The following LHFPL3 variants were observed in gnomAD, a reference collection of about 807,000 sequenced individuals.
LHFPL3 encodes the protein LHFPL tetraspan subfamily member 3.
Under a neutral mutation model 19.3 loss-of-function variants are expected in LHFPL3, and 5 were observed. That is an observed-to-expected ratio of 0.26 (90% CI 0.14 to 0.54). LHFPL3 has a LOEUF of 0.54. LHFPL3 is among the 20% of genes least tolerant of loss of function. The probability of loss-of-function intolerance (pLI) is 0.94; values close to 1 mark genes in which losing one functional copy is unlikely to be tolerated. For synonymous variants in LHFPL3, 133 were observed against 126.2 expected (o/e 1.05, Z -0.36); for missense variants, 249 against 307.4 (o/e 0.81, Z 1.42).
chr7:104,692,537 A>C (rs1792923308), intron 1 of LHFPL3, among the ~76,000 whole-genome samples: 1 of 152,098 alleles, frequency 6.6e-6, no homozygotes, highest in Non-Finnish European at 1.5e-5. Context: ...GTGAACATAC[A>C]CTCCAGGCCA....
chr7:104,480,977 G>T (rs1313571730), intron 1 of LHFPL3, among the ~76,000 whole-genome samples: 1 of 152,146 alleles, frequency 6.6e-6, no homozygotes, highest in South Asian at 2.1e-4. Flanking sequence ...GGGGAGTAAT[G>T]GGGTGAAGCA....
intron 1 of LHFPL3, among the ~76,000 whole-genome samples, chr7:104,637,480 C>T (rs1253358057): frequency 2.0e-5 from 3 of 152,108 alleles, no homozygotes; most frequent in Non-Finnish European, 2.9e-5. Flanking sequence ...AATGATACTT[C>T]CTAGGTTATC....
chr7:104,350,875 A>G (rs1790160318), intron 1 of LHFPL3, among the ~76,000 whole-genome samples: 1 of 152,128 alleles, frequency 6.6e-6, no homozygotes, highest in African/African-American at 2.4e-5. Flanking sequence ...CCCCGTCTAT[A>G]CTAAAAATAC....
chr7:104,355,172 G>A (rs921579798), intron 1 of LHFPL3, among the ~76,000 whole-genome samples: 13 of 152,130 alleles, frequency 8.5e-5, no homozygotes, highest in African/African-American at 3.1e-4. Context: ...TGTGTAATTC[G>A]TCTTCGAGAG....
chr7:104,867,331 C>A (rs926492758), intron 2 of LHFPL3, among the ~76,000 whole-genome samples: 25 of 151,602 alleles, frequency 1.6e-4, no homozygotes, highest in Non-Finnish European at 2.8e-4. Context: ...AGACCGCTGG[C>A]AAGACTAATA....
intron 1 of LHFPL3, among the ~76,000 whole-genome samples, chr7:104,490,378 T>A (rs1034824024): frequency 3.9e-5 from 6 of 152,176 alleles, no homozygotes; most frequent in Non-Finnish European, 8.8e-5. Context: ...CTCTTCCTAA[T>A]GCAGCTAATC....
At chr7:104,557,060 T>A (rs1056735668) in intron 1 of LHFPL3, among the ~76,000 whole-genome samples, 4 of 152,188 alleles carry the variant, frequency 2.6e-5, no homozygotes, top group African/African-American at 9.7e-5. Flanking sequence ...AACATTTTGG[T>A]CAAAGCCCTT....
At chr7:104,879,239 GACCCCA>G (rs2116678469) in intron 2 of LHFPL3, among the ~76,000 whole-genome samples, 1 of 152,128 alleles carries the variant, frequency 6.6e-6, no homozygotes, top group Admixed American at 6.5e-5. Flanking sequence ...CAATATGCGA[GACCCCA>G]TCTCTACAAA....
At chr7:104,372,357 T>C (rs1046227012) in intron 1 of LHFPL3, among the ~76,000 whole-genome samples, 1 of 152,224 alleles carries the variant, frequency 6.6e-6, no homozygotes, top group Non-Finnish European at 1.5e-5. Context: ...ACAGGAGCAG[T>C]GAATCTAATG....
At chr7:104,585,430 A>G (rs553885633) in intron 1 of LHFPL3, among the ~76,000 whole-genome samples, 38 of 150,768 alleles carry the variant, frequency 2.5e-4, no homozygotes, top group Non-Finnish European at 5.0e-4. Context: ...TTCTTTGACT[A>G]TAATGCAGCT....
At chr7:104,635,760 T>C (rs1584453440) in intron 1 of LHFPL3, among the ~76,000 whole-genome samples, 1 of 152,090 alleles carries the variant, frequency 6.6e-6, no homozygotes, top group Non-Finnish European at 1.5e-5. Flanking sequence ...GGCAAAGAGA[T>C]CTTCCAGTAT....
intron 2 of LHFPL3, among the ~76,000 whole-genome samples, chr7:104,771,869 T>C (rs1030263336): frequency 7.4e-6 from 1 of 135,366 alleles, no homozygotes; most frequent in African/African-American, 2.7e-5. Flanking sequence ...GTCGCCAGGC[T>C]GGAGTGCAGT....
At chr7:104,794,111 A>G (rs1790073541) in intron 2 of LHFPL3, among the ~76,000 whole-genome samples, 1 of 152,224 alleles carries the variant, frequency 6.6e-6, no homozygotes, top group South Asian at 2.1e-4. Context: ...ATAGAAGTAT[A>G]ATACTACACA....
At chr7:104,610,752 C>G (rs1791198137) in intron 1 of LHFPL3, among the ~76,000 whole-genome samples, 1 of 152,222 alleles carries the variant, frequency 6.6e-6, no homozygotes, top group Admixed American at 6.5e-5. Context: ...TCTACTAATT[C>G]AAATGCTCAT....
intron 1 of LHFPL3, among the ~76,000 whole-genome samples, chr7:104,397,268 A>G (rs552641290): frequency 2.6e-4 from 39 of 152,292 alleles, no homozygotes; most frequent in Non-Finnish European, 5.1e-4. Flanking sequence ...TAATATTTTT[A>G]TCTTAAGTAA....
At chr7:104,835,077 G>C (rs1270305932) in intron 2 of LHFPL3, among the ~76,000 whole-genome samples, 2 of 151,942 alleles carry the variant, frequency 1.3e-5, no homozygotes, top group Non-Finnish European at 2.9e-5. Context: ...TCTGGAGTCA[G>C]ATGTCCTGAG....
chr7:104,782,991 CCTT>C (rs1472042789), intron 2 of LHFPL3, among the ~76,000 whole-genome samples: 2 of 152,256 alleles, frequency 1.3e-5, no homozygotes, highest in South Asian at 2.1e-4. Flanking sequence ...TTTTATCCCT[CCTT>C]AAGATCTTGG....
At chr7:104,565,355 G>T (rs373060303) in intron 1 of LHFPL3, among the ~76,000 whole-genome samples, 141 of 152,310 alleles carry the variant, frequency 9.3e-4, no homozygotes, top group African/African-American at 3.3e-3. Flanking sequence ...CATTTAAGAT[G>T]CTAATGCATG....
chr7:104,556,572 C>A (rs376779483), intron 1 of LHFPL3, among the ~76,000 whole-genome samples: 44 of 152,282 alleles, frequency 2.9e-4, no homozygotes, highest in African/African-American at 8.4e-4. Context: ...CCCACAAAAC[C>A]ATTTTTCCTC....
Sources: gnomAD v4.1 joint callset for allele counts (sites outside exome capture counted in the v4.1 genomes callset) on GRCh38, gnomAD v4.1.1 for gene constraint, MANE v1.5 for transcripts, NCBI Gene and HGNC (gene_info 2026-07-23, HGNC 2026-07-21) for gene names.